Variants in TSNAX observed in about 807,000 individuals in gnomAD.
The protein encoded by TSNAX is translin-associated protein X.
A neutral mutation model predicts 33.0 loss-of-function variants in TSNAX; 12 were observed. The ratio of observed to expected loss-of-function variants is 0.36; its 90% CI spans 0.23 to 0.59. The LOEUF (loss-of-function observed/expected upper bound fraction) is 0.59. TSNAX is among the 20% of genes least tolerant of loss of function. TSNAX has a pLI of 0.74. For synonymous variants in TSNAX, 110 were observed against 117.2 expected (o/e 0.94, Z 0.40); for missense variants, 267 against 341.3 (o/e 0.78, Z 1.72).
chr1:231,536,057 A>C (rs1390700927), intron 2 of TSNAX: 3 of 152,328 alleles, frequency 2.0e-5, no homozygotes, highest in Non-Finnish European at 1.5e-5. Context: ...GATTTCTAAC[A>C]TCCTGACTAA....
intron 4 of TSNAX, among the ~76,000 whole-genome samples, chr1:231,560,537 C>G (rs2124944710): frequency 6.6e-6 from 1 of 150,724 alleles, no homozygotes; most frequent in South Asian, 2.1e-4. Flanking sequence ...GCCTCAGCCT[C>G]CCGAGTAGCT....
chr1:231,553,994 C>T (rs1660523707), intron 4 of TSNAX, among the ~76,000 whole-genome samples: 1 of 152,164 alleles, frequency 6.6e-6, no homozygotes, highest in Non-Finnish European at 1.5e-5. Flanking sequence ...CCCATGAAAT[C>T]TAATTTCTAT....
At chr1:231,560,046 C>T (rs1391900564) in intron 4 of TSNAX, among the ~76,000 whole-genome samples, 1 of 150,836 alleles carries the variant, frequency 6.6e-6, no homozygotes, top group African/African-American at 2.4e-5. Context: ...GTGGCATGAT[C>T]TTGGCTCACT....
At position 231,528,754 on chromosome 1, in the gene TSNAX, ACTC is replaced by A; in HGVS notation, c.-53_-51del. ...GGTTCCCTCGGCCTGTACCTCGCGC[ACTC>A]CTCTTGCTCCAGGTCCTTCAGTCTC... On this transcript the variant is annotated 5_prime_UTR_variant, in exon 1 of 6. Transcript: ENST00000366639. 4 of 1,611,330 alleles carry A rather than the reference ACTC, an allele frequency of 2.5e-6. No homozygotes were observed. The highest frequency in any genetic ancestry group is 3.4e-6 in the Non-Finnish European group (4 of 1,178,300).
At chr1:231,547,680 C>T (rs756896969) in intron 4 of TSNAX, among the ~76,000 whole-genome samples, 18 of 151,826 alleles carry the variant, frequency 1.2e-4, no homozygotes, top group East Asian at 1.2e-3. Context: ...CCTGAGCCAC[C>T]GTGCCCAGCC....
At chr1:231,559,484 A>G (rs901269305) in intron 4 of TSNAX, among the ~76,000 whole-genome samples, 2 of 152,056 alleles carry the variant, frequency 1.3e-5, no homozygotes, top group Non-Finnish European at 2.9e-5. Flanking sequence ...ACCCGCCACC[A>G]TGCCCAGCTA....
At chr1:231,539,193 A>T (rs1053374683) in intron 3 of TSNAX, among the ~76,000 whole-genome samples, 1 of 151,858 alleles carries the variant, frequency 6.6e-6, no homozygotes, top group African/African-American at 2.4e-5. Flanking sequence ...TGTTCTTATT[A>T]ATTATGGACA....
intron 3 of TSNAX, 54 bp from the exon 4 acceptor site, chr1:231,542,427 T>G (rs1456413729): frequency 1.3e-6 from 2 of 1,590,284 alleles, no homozygotes; most frequent in South Asian, 2.3e-5. Context: ...TTATTTTAGT[T>G]TTTCACTGTT....
rs1661322978 is a variant in TSNAX, at chr1:231,564,731, C to T, written c.699C>T (p.Asn233=). 2 of 1,614,144 alleles carry T rather than the reference C, an allele frequency of 1.2e-6. No homozygotes were observed. Among genetic ancestry groups the T allele is most frequent in the Non-Finnish European group, 8.5e-7 (1 of 1,180,036 alleles). ...ATGATGGGTTTTCATTCATTGGCAA[C>T]ACTGGACCTTACGAGGTTTCTAAGA... ...QVYDGFSFIG[N]TGPYEVSKKL... Residue 233 remains asparagine, a synonymous_variant, in exon 6 of 6, where the codon AAC becomes AAT. Coordinates refer to ENST00000366639, the MANE Select transcript of TSNAX (RefSeq NM_005999.3).
intron 4 of TSNAX, among the ~76,000 whole-genome samples, chr1:231,559,311 A>G (rs1660885464): frequency 7.2e-6 from 1 of 139,228 alleles, no homozygotes; most frequent in Non-Finnish European, 1.6e-5. Flanking sequence ...TGGCTATAGA[A>G]TATAGTTTGT....
chr1:231,564,373 G>C (rs1479431619), intron 5 of TSNAX, among the ~76,000 whole-genome samples, 155 bp from the exon 6 acceptor site: 1 of 152,096 alleles, frequency 6.6e-6, no homozygotes, highest in Non-Finnish European at 1.5e-5. Flanking sequence ...AAGCAAAACA[G>C]ATTTATTTTA....
chr1:231,545,999 T>A (rs1479606646), intron 4 of TSNAX, among the ~76,000 whole-genome samples: 3 of 152,196 alleles, frequency 2.0e-5, no homozygotes, highest in African/African-American at 7.2e-5. Flanking sequence ...AAAGGCTTTA[T>A]TTTGCTTACC....
intron 4 of TSNAX, 31 bp from the exon 5 acceptor site, chr1:231,561,097 T>C: frequency 6.3e-7 from 1 of 1,598,792 alleles, no homozygotes; most frequent in Non-Finnish European, 8.5e-7. Flanking sequence ...TAAGTGCTTA[T>C]TCTTAGTAAT....
chr1:231,538,961 A>T lies in TSNAX; in HGVS notation c.236+1634A>T, dbSNP rs1004422163. Among the ~76,000 whole-genome samples the T allele has an allele frequency of 2.0e-5, 3 of 151,866 alleles. No individual in the cohort carries two copies. In the East Asian group the frequency reaches 5.8e-4, roughly 29 times the overall value. ...AAAAAAAAAAAAAAGATACTGAAGT[A>T]TTCCGTTCAGTAACATGAAACTTTT... On this transcript the variant is annotated intron_variant, in intron 3 of 5. Transcript: ENST00000366639.
chr1:231,547,389 C>CTTTTTTTTTTTTT (rs71179784), intron 4 of TSNAX, among the ~76,000 whole-genome samples: 124 of 104,662 alleles, frequency 1.2e-3, no homozygotes, highest in African/African-American at 1.3e-3. Flanking sequence ...TTTTTTTTTT[C>CTTTTTTTTTTTTT]TTTTTTTTTT....
chr1:231,532,157 C>CACACACACACACACACACACACACAT (rs1658780275), intron 2 of TSNAX, among the ~76,000 whole-genome samples: 1 of 88,538 alleles, frequency 1.1e-5, no homozygotes, highest in African/African-American at 3.8e-5. Context: ...CACACACACA[C>CACACACACACACACACACACACACAT]ACACACACAC....
At chr1:231,562,214 TTTAA>T (rs1168073905) in intron 5 of TSNAX, among the ~76,000 whole-genome samples, 7 of 147,650 alleles carry the variant, frequency 4.7e-5, no homozygotes, top group South Asian at 4.2e-4. Context: ...ATATTAAATA[TTTAA>T]TTATTTTAAA....
At chr1:231,558,516 T>C (rs997486974) in intron 4 of TSNAX, among the ~76,000 whole-genome samples, 3 of 152,190 alleles carry the variant, frequency 2.0e-5, no homozygotes, top group Non-Finnish European at 2.9e-5. Flanking sequence ...GTCTTTTAAC[T>C]TTAAAAAATT....
chr1:231,560,500 C>T (rs1468558334), intron 4 of TSNAX, among the ~76,000 whole-genome samples: 9 of 132,728 alleles, frequency 6.8e-5, no homozygotes, highest in Admixed American at 4.3e-4. Context: ...CTGCAACCTT[C>T]GGCTCCTGGG....
Sources: allele counts gnomAD v4.1 joint callset (sites outside exome capture counted in the v4.1 genomes callset), GRCh38; gene constraint gnomAD v4.1.1; transcripts MANE v1.5; gene names NCBI Gene and HGNC (gene_info 2026-07-23, HGNC 2026-07-21).